Variants in MYH10 observed in about 807,000 individuals in gnomAD.
MYH10 encodes the protein myosin heavy chain 10.
MYH10 carries 55 observed loss-of-function variants against 257.8 expected under a neutral mutation model. That is an observed-to-expected ratio of 0.21 (90% confidence interval 0.17 to 0.27). MYH10 has a LOEUF of 0.27. MYH10 is among the 10% of genes least tolerant of loss of function. The probability of loss-of-function intolerance (pLI) is 1.00; values close to 1 mark genes in which losing one functional copy is unlikely to be tolerated. For synonymous variants in MYH10, 854 were observed against 921.7 expected (o/e 0.93, Z 1.33); for missense variants, 1,631 against 2,500.6 (o/e 0.65, Z 7.42).
chr17:8,495,175 C>A lies in MYH10; in HGVS notation c.4018G>T (p.Asp1340Tyr). 2 of 1,613,478 alleles carry A rather than the reference C, an allele frequency of 1.2e-6. No individual in the cohort carries two copies. The highest frequency in any genetic ancestry group is 1.7e-6 in the Non-Finnish European group (2 of 1,179,454). The change falls in exon 31 of 43, where the codon GAT (aspartate) becomes TAT (tyrosine). Residue 1340 changes from aspartate to tyrosine, a missense_variant. This residue lies in a region of MYH10 where 463 missense variants were observed against 621.8 expected (regional missense o/e 0.74). Transcript: ENST00000360416. Reference protein sequence around the residue: ...AEKKGIKFAKDAASLESQLQD... With the variant: ...AEKKGIKFAKYAASLESQLQD... The stretch of plus-strand genomic sequence containing the variant: ...AGTTGAGACTCAAGACTAGCTGCAT[C>A]CTTAGCAAATTTAATACCCTTCTTC...
chr17:8,618,604 C>G (rs964665609), intron 2 of MYH10, among the ~76,000 whole-genome samples: 1 of 152,204 alleles, frequency 6.6e-6, no homozygotes, highest in Non-Finnish European at 1.5e-5. Flanking sequence ...GTGAACTTCT[C>G]ATATTCCACT....
chr17:8,623,624 A>T (rs2085557065), intron 1 of MYH10: 1 of 154,668 alleles, frequency 6.5e-6, no homozygotes, highest in African/African-American at 2.4e-5. Flanking sequence ...GAAAAAAAAA[A>T]AGAAAACAAA....
At chr17:8,539,291 C>T (rs746223288) in intron 14 of MYH10, among the ~76,000 whole-genome samples, 4 of 152,238 alleles carry the variant, frequency 2.6e-5, no homozygotes, top group Non-Finnish European at 5.9e-5. Flanking sequence ...TTTCAACGTG[C>T]TGTTCACCTG....
At chr17:8,630,110 C>A (rs975987859) in intron 1 of MYH10, among the ~76,000 whole-genome samples, 1 of 151,996 alleles carries the variant, frequency 6.6e-6, no homozygotes, top group East Asian at 1.9e-4. Context: ...ACGCAGGGGC[C>A]CTTCCTGCCC....
rs1401911770 is a variant in MYH10, at chr17:8,477,889, T to C, written c.5706+449A>G. On this transcript the variant is annotated intron_variant, in intron 41 of 42. Transcript: ENST00000360416. The surrounding 1 kb of genome is among the most constrained non-coding windows in gnomAD (Gnocchi z 4.2). Reference sequence around the variant, plus strand: ...CCCTGTGTACTTAGAAAAGGGGGCCTGGATGCAGACGCTGAAGCTCACTCG... The same window carrying C: ...CCCTGTGTACTTAGAAAAGGGGGCCCGGATGCAGACGCTGAAGCTCACTCG... Among the ~76,000 whole-genome samples, 2 of 152,208 alleles carry C rather than the reference T, an allele frequency of 1.3e-5. No individual in the cohort carries two copies. Among genetic ancestry groups the C allele is most frequent in the Non-Finnish European group, 2.9e-5 (2 of 68,028 alleles).
intron 34 of MYH10, among the ~76,000 whole-genome samples, chr17:8,491,916 C>T (rs935817703): frequency 1.3e-5 from 2 of 152,212 alleles, no homozygotes; most frequent in African/African-American, 4.8e-5. Flanking sequence ...AGGGAGCTGC[C>T]ATTCCCTCCT....
At chr17:8,487,638 T>C (rs1312669827) in intron 35 of MYH10, 44 bp from the exon 36 acceptor site, 2 of 1,610,970 alleles carry the variant, frequency 1.2e-6, no homozygotes, top group Non-Finnish European at 1.7e-6. Context: ...TCCAAGTATC[T>C]GCTCGCAGAA....
intron 13 of MYH10, among the ~76,000 whole-genome samples, chr17:8,543,400 T>C (rs2082350452): frequency 6.6e-6 from 1 of 152,162 alleles, no homozygotes; most frequent in Non-Finnish European, 1.5e-5. Context: ...TGCTTATTCA[T>C]GTTCATGTAG....
chr17:8,478,293 G>T, intron 41 of MYH10, 45 bp downstream of exon 41: 1 of 1,517,026 alleles, frequency 6.6e-7, no homozygotes. Context: ...TTCTCCACCA[G>T]TTCCTTTGCT....
chr17:8,560,983 G>A (rs543026538), intron 7 of MYH10: 2 of 499,040 alleles, frequency 4.0e-6, no homozygotes, highest in Non-Finnish European at 7.3e-6. Flanking sequence ...GCTTGTGTTT[G>A]ATCTTAACCA....
rs398030291 is a variant in MYH10 at position 8,590,873 on chromosome 17, C to CTTTTTTTTTTTTT, written c.503-1778_503-1766dup. Among the ~76,000 whole-genome samples the CTTTTTTTTTTTTT allele has an allele frequency of 4.1e-4, 37 of 90,098 alleles. 7 individuals are homozygous for CTTTTTTTTTTTTT. The highest frequency in any genetic ancestry group is 0.016 in the Middle Eastern group (1 of 62). The allele number at this position is 90,098 out of a possible 152,430, so 59.1% of individuals were successfully genotyped here. ...TCTCCCTCAGGTTTCTCAATGTCGC[C>CTTTTTTTTTTTTT]TTTTTTTTTTTTTTTTTGAGATGGA... On this transcript the variant is annotated intron_variant, in intron 3 of 42. Transcript: ENST00000360416.
At chr17:8,505,607 A>C (rs1480898626) in intron 27 of MYH10, among the ~76,000 whole-genome samples, 1 of 152,272 alleles carries the variant, frequency 6.6e-6, no homozygotes, top group Non-Finnish European at 1.5e-5. Flanking sequence ...TTCTAAACTG[A>C]ATGGTTTAGA....
At chr17:8,485,688 T>C (rs1914643311) in intron 36 of MYH10, among the ~76,000 whole-genome samples, 1 of 152,170 alleles carries the variant, frequency 6.6e-6, no homozygotes, top group Non-Finnish European at 1.5e-5. Context: ...TAACAAATGT[T>C]GACAAGATGT....
At position 8,504,954 on chromosome 17, in the gene MYH10, T is replaced by G; in HGVS notation, c.3387-48A>C. ...GAGGCACTCAGAGATGGCACCCGGA[T>G]GGCCTGTTTCTCAGGCGAGCCCCAG... On this transcript the variant is annotated intron_variant, in intron 27 of 42. Coordinates refer to ENST00000360416, the MANE Select transcript of MYH10 (RefSeq NM_001256012.3). This position sits in a 1 kb window ranked among gnomAD's most constrained non-coding sequence, Gnocchi z 5.6. 2 of 1,546,372 alleles carry G rather than the reference T, an allele frequency of 1.3e-6. No homozygotes were observed. The highest frequency in any genetic ancestry group is 1.8e-6 in the Non-Finnish European group (2 of 1,120,590).
chr17:8,595,114 C>G (rs191518300), intron 3 of MYH10, among the ~76,000 whole-genome samples: 1 of 152,224 alleles, frequency 6.6e-6, no homozygotes, highest in Admixed American at 6.5e-5. Flanking sequence ...GTGAATGAAT[C>G]TCAAATGCAT....
intron 3 of MYH10, among the ~76,000 whole-genome samples, chr17:8,594,675 C>T (rs974239368): frequency 6.6e-6 from 1 of 152,054 alleles, no homozygotes; most frequent in Non-Finnish European, 1.5e-5. Context: ...CCACGACAAC[C>T]CCAACCCACA....
chr17:8,605,719 T>G (rs777629737), intron 2 of MYH10, among the ~76,000 whole-genome samples: 2 of 152,140 alleles, frequency 1.3e-5, no homozygotes, highest in African/African-American at 2.4e-5. Context: ...TACTCCAGCC[T>G]GGGTAAGAAA....
At chr17:8,560,792 A>G in intron 7 of MYH10, 1 of 596,094 alleles carries the variant, frequency 1.7e-6, no homozygotes. Context: ...CCCGACACAA[A>G]TGGTTCCCAG....
chr17:8,483,008 A>G (rs1362283116), intron 37 of MYH10, among the ~76,000 whole-genome samples: 1 of 152,238 alleles, frequency 6.6e-6, no homozygotes, highest in Non-Finnish European at 1.5e-5. Flanking sequence ...TAGGTCCCAG[A>G]GCTCTTTCTC....
Sources: gnomAD v4.1 joint callset for allele counts (sites outside exome capture counted in the v4.1 genomes callset) on GRCh38, gnomAD v4.1.1 for gene constraint, gnomAD v4.1.1 regional missense constraint, Gnocchi (gnomAD v3.1) non-coding constraint, MANE v1.5 for transcripts, NCBI Gene and HGNC (gene_info 2026-07-23, HGNC 2026-07-21) for gene names.